The following CRIM1 variants were observed in gnomAD, a reference collection of about 807,000 sequenced individuals.
The protein encoded by CRIM1 is cysteine-rich motor neuron 1 protein.
Under a neutral mutation model 116.4 loss-of-function variants are expected in CRIM1, and 32 were observed. The ratio of observed to expected loss-of-function variants is 0.27; its 90% CI spans 0.21 to 0.37. The LOEUF is 0.37. Ranked by LOEUF, CRIM1 falls within the 10% of genes least tolerant of loss-of-function variation. The pLI is 1.00. For missense variants in CRIM1, 1,331 were observed against 1,354.8 expected, an observed-to-expected ratio of 0.98 and a Z score of 0.28; for synonymous variants, 590 against 509.2, an observed-to-expected ratio of 1.16 and a Z score of -2.13.
chr2:36,476,351 T>G (rs1315862205), intron 5 of CRIM1, among the ~76,000 whole-genome samples: 1 of 152,130 alleles, frequency 6.6e-6, no homozygotes, highest in Non-Finnish European at 1.5e-5. Context: ...TTAAGTGAGG[T>G]GATACATATA....
At position 36,356,434 on chromosome 2, in the gene CRIM1, C is replaced by T. The variant is rs1331237052; in HGVS notation, c.142C>T (p.Pro48Ser). 1.2e-6 allele frequency: 2 copies of T among 1,611,526 alleles called. No individual in the cohort carries two copies. The highest frequency in any genetic ancestry group is 1.7e-6 in the Non-Finnish European group (2 of 1,179,682). ...CTGTGACGAGTCCAAGTGCGAGGAG[C>T]CCAGGAACTGCCCGGGGAGCATCGT... ...LPCDESKCEE[P>S]RNCPGSIVQG... The change falls in exon 1 of 17, where the codon CCC becomes TCC. Residue 48 changes from proline (P) to serine (S), a missense_variant. This residue lies in a region of CRIM1 where 690 missense variants were observed against 676.0 expected (regional missense o/e 1.02). Coordinates refer to ENST00000280527, the MANE Select transcript of CRIM1 (RefSeq NM_016441.3). The surrounding 1 kb of genome is among the most constrained non-coding windows in gnomAD (Gnocchi z 4.3).
intron 13 of CRIM1, among the ~76,000 whole-genome samples, chr2:36,523,483 C>A (rs990660080): frequency 6.6e-6 from 1 of 152,174 alleles, no homozygotes; most frequent in African/African-American, 2.4e-5. Flanking sequence ...GATGCTGTTC[C>A]GAGGTCCAAA....
At chr2:36,392,857 A>G (rs773676546) in intron 1 of CRIM1, among the ~76,000 whole-genome samples, 2 of 152,204 alleles carry the variant, frequency 1.3e-5, no homozygotes, top group African/African-American at 4.8e-5. Context: ...AAAAGTGTCT[A>G]CGATGTTGTT....
In CRIM1 at chr2:36,487,735, G is replaced by T. The variant is rs140802296; in HGVS notation, c.1372+8041G>T. Among the ~76,000 whole-genome samples the T allele has an allele frequency of 5.5e-3, 831 of 152,146 alleles. 7 individuals carry two copies. The highest frequency in any genetic ancestry group is 0.01 in the Middle Eastern group (3 of 294). ...AACAGCATTTTGGCATAAGAATATA[G>T]CCTCTAAAAGTGAGTACTTTTATCA... is the stretch of plus-strand genomic sequence containing the variant. On this transcript the variant is annotated intron_variant, in intron 7 of 16. Coordinates refer to ENST00000280527, the MANE Select transcript of CRIM1 (RefSeq NM_016441.3).
At chr2:36,412,950 T>C (rs993820903) in intron 2 of CRIM1, among the ~76,000 whole-genome samples, 8 of 152,298 alleles carry the variant, frequency 5.3e-5, no homozygotes, top group African/African-American at 1.9e-4. Context: ...TACTATTATC[T>C]GCAGCATCAA....
At chr2:36,425,197 T>C (rs955639382) in intron 2 of CRIM1, among the ~76,000 whole-genome samples, 1 of 152,278 alleles carries the variant, frequency 6.6e-6, no homozygotes, top group African/African-American at 2.4e-5. Context: ...TCAGGAACAT[T>C]TGCAAATGAA....
chr2:36,488,030 C>A (rs1679960402), intron 7 of CRIM1, among the ~76,000 whole-genome samples: 1 of 152,134 alleles, frequency 6.6e-6, no homozygotes, highest in Non-Finnish European at 1.5e-5. Flanking sequence ...TCCAATTCCA[C>A]TTCTAGTTAT....
At chr2:36,540,942 G>T (rs1034569737) in intron 14 of CRIM1, among the ~76,000 whole-genome samples, 4 of 152,200 alleles carry the variant, frequency 2.6e-5, no homozygotes, top group African/African-American at 9.7e-5. Flanking sequence ...GATTTCTCCA[G>T]TGACTTCTCA....
chr2:36,515,970 C>A (rs1432557644), intron 11 of CRIM1, among the ~76,000 whole-genome samples: 3 of 152,210 alleles, frequency 2.0e-5, no homozygotes, highest in Non-Finnish European at 2.9e-5. Flanking sequence ...CATTGTAATT[C>A]TCTTCCTCTC....
chr2:36,405,659 A>G (rs1391062678), intron 2 of CRIM1, among the ~76,000 whole-genome samples: 1 of 152,210 alleles, frequency 6.6e-6, no homozygotes, highest in Non-Finnish European at 1.5e-5. Context: ...TGCACAGAGA[A>G]ATGGATTTGT....
At chr2:36,542,941 A>T (rs1408720786) in intron 14 of CRIM1, among the ~76,000 whole-genome samples, 2 of 152,150 alleles carry the variant, frequency 1.3e-5, no homozygotes, top group Non-Finnish European at 2.9e-5. Flanking sequence ...ATGATTTTTA[A>T]AAATTTGAGA....
At chr2:36,540,294 G>A (rs1666862288) in intron 14 of CRIM1, among the ~76,000 whole-genome samples, 1 of 152,122 alleles carries the variant, frequency 6.6e-6, no homozygotes, top group Non-Finnish European at 1.5e-5. Context: ...AAGAATGGGA[G>A]AGGTGAATTC....
At chr2:36,419,799 G>A (rs964578833) in intron 2 of CRIM1, among the ~76,000 whole-genome samples, 3 of 152,200 alleles carry the variant, frequency 2.0e-5, no homozygotes, top group South Asian at 4.1e-4. Flanking sequence ...TGACATAGGC[G>A]ATCTGCGCAG....
Position 36,377,578 on chromosome 2 carries a change from G to T in CRIM1, c.332-19036G>T, listed in dbSNP as rs549751190. Reference sequence around the variant, plus strand: ...AATAACAATAGTATCCATTTCTTTTGGGTGGTTATAAGGAATACTTAAGTT... The same window carrying T: ...AATAACAATAGTATCCATTTCTTTTTGGTGGTTATAAGGAATACTTAAGTT... On this transcript the variant is annotated intron_variant, in intron 1 of 16. Coordinates refer to ENST00000280527, the MANE Select transcript of CRIM1 (RefSeq NM_016441.3). Among the ~76,000 whole-genome samples the T allele has an allele frequency of 3.3e-5, 5 of 152,226 alleles. No individual in the cohort carries two copies. In the East Asian group the frequency reaches 7.7e-4, roughly 24 times the overall value.
At chr2:36,458,314 A>AG (rs943684578) in intron 4 of CRIM1, among the ~76,000 whole-genome samples, 3 of 152,156 alleles carry the variant, frequency 2.0e-5, no homozygotes, top group African/African-American at 7.2e-5. Flanking sequence ...GCAGAGGTTG[A>AG]GGGGCATTCC....
chr2:36,467,026 C>T (rs1678098924), intron 5 of CRIM1, among the ~76,000 whole-genome samples: 1 of 152,202 alleles, frequency 6.6e-6, no homozygotes, highest in Admixed American at 6.5e-5. Flanking sequence ...AATAGCCGTA[C>T]CTCCACCTTA....
intron 2 of CRIM1, among the ~76,000 whole-genome samples, chr2:36,437,865 G>A (rs1675441799): frequency 6.6e-6 from 1 of 151,888 alleles, no homozygotes; most frequent in African/African-American, 2.4e-5. Context: ...CGGGCGCGGT[G>A]GCTCACTCCT....
chr2:36,475,033 A>T (rs1678854262), intron 5 of CRIM1, among the ~76,000 whole-genome samples: 1 of 152,104 alleles, frequency 6.6e-6, no homozygotes, highest in Non-Finnish European at 1.5e-5. Flanking sequence ...AGGAAGTAGG[A>T]GTTCTCTAAC....
intron 2 of CRIM1, among the ~76,000 whole-genome samples, chr2:36,413,863 T>C (rs1673402212): frequency 1.3e-5 from 2 of 152,186 alleles, no homozygotes; most frequent in African/African-American, 4.8e-5. Context: ...TCAGCCCTAT[T>C]CATATGTCAA....
Sources: allele counts gnomAD v4.1 joint callset (sites outside exome capture counted in the v4.1 genomes callset), GRCh38; gene constraint gnomAD v4.1.1; regional missense constraint gnomAD v4.1.1; non-coding constraint Gnocchi (gnomAD v3.1); transcripts MANE v1.5; gene names NCBI Gene and HGNC (gene_info 2026-07-23, HGNC 2026-07-21).